CDYL2: variants seen among roughly 807,000 people sequenced by gnomAD.
CDYL2 encodes chromodomain Y-like protein 2.
Under a neutral mutation model 49.4 loss-of-function variants are expected in CDYL2, and 23 were observed. That is an observed-to-expected ratio of 0.47 (90% CI 0.34 to 0.66). The LOEUF (loss-of-function observed/expected upper bound fraction) is 0.66, where lower values mean the gene tolerates loss of function less well. CDYL2 is among the 30% of genes least tolerant of loss of function. CDYL2 has a pLI of 0.01. For synonymous variants in CDYL2, 360 were observed against 268.8 expected (o/e 1.34, Z -3.32); for missense variants, 678 against 656.4 (o/e 1.03, Z -0.36).
intron 3 of CDYL2, among the ~76,000 whole-genome samples, chr16:80,629,160 G>T (rs774291109): frequency 5.9e-5 from 9 of 152,164 alleles, no homozygotes; most frequent in Non-Finnish European, 1.2e-4. Flanking sequence ...GACACATTTG[G>T]TTGGGGAGGG....
intron 1 of CDYL2, among the ~76,000 whole-genome samples, chr16:80,698,262 T>A (rs1232185339): frequency 6.6e-6 from 1 of 152,122 alleles, no homozygotes; most frequent in African/African-American, 2.4e-5. Flanking sequence ...CAGGATTATG[T>A]CAAACTAAAA....
intron 1 of CDYL2, among the ~76,000 whole-genome samples, chr16:80,774,539 A>G (rs1033546663): frequency 6.6e-6 from 1 of 152,176 alleles, no homozygotes; most frequent in Admixed American, 6.5e-5. Context: ...CTGCTAAAAT[A>G]GATCTTTAAT....
chr16:80,792,040 A>G (rs562152987), intron 1 of CDYL2, among the ~76,000 whole-genome samples: 2 of 152,316 alleles, frequency 1.3e-5, no homozygotes, highest in Admixed American at 6.5e-5. Flanking sequence ...CACACATGGC[A>G]TCTGCGCAAA....
chr16:80,702,071 T>TTAA (rs370055186), intron 1 of CDYL2, among the ~76,000 whole-genome samples: 34 of 152,034 alleles, frequency 2.2e-4, no homozygotes, highest in African/African-American at 8.0e-4. Context: ...ATTGGGGCAA[T>TTAA]TATACAGGAA....
intron 1 of CDYL2, among the ~76,000 whole-genome samples, chr16:80,790,649 C>T (rs1907579145): frequency 6.6e-6 from 1 of 152,160 alleles, no homozygotes; most frequent in South Asian, 2.1e-4. Flanking sequence ...GTTACAGGTG[C>T]TTTGGATTCT....
At chr16:80,623,068 C>T (rs1357834416) in intron 3 of CDYL2, among the ~76,000 whole-genome samples, 1 of 152,206 alleles carries the variant, frequency 6.6e-6, no homozygotes, top group Non-Finnish European at 1.5e-5. Context: ...AAGCTTCCTG[C>T]GGAGATGGTA....
chr16:80,791,551 T>C (rs1447878878), intron 1 of CDYL2, among the ~76,000 whole-genome samples: 1 of 152,192 alleles, frequency 6.6e-6, no homozygotes, highest in African/African-American at 2.4e-5. Flanking sequence ...GGAAATCTCC[T>C]GATAAGCTGA....
intron 1 of CDYL2, among the ~76,000 whole-genome samples, chr16:80,717,133 G>A (rs879686307): frequency 6.7e-6 from 1 of 150,134 alleles, no homozygotes; most frequent in Non-Finnish European, 1.5e-5. Flanking sequence ...TGAATGGATG[G>A]GTGGACTGGA....
At chr16:80,720,221 AC>A (rs1455512494) in intron 1 of CDYL2, among the ~76,000 whole-genome samples, 1 of 151,708 alleles carries the variant, frequency 6.6e-6, no homozygotes, top group Non-Finnish European at 1.5e-5. Flanking sequence ...TCCCCTCATG[AC>A]TCCCCTCTCT....
At chr16:80,746,887 C>G (rs987459456) in intron 1 of CDYL2, among the ~76,000 whole-genome samples, 3 of 152,164 alleles carry the variant, frequency 2.0e-5, no homozygotes, top group African/African-American at 7.2e-5. Flanking sequence ...AGTCCAGATT[C>G]CCAGCTTCTC....
chr16:80,631,658 G>A (rs1024995107), intron 3 of CDYL2, among the ~76,000 whole-genome samples: 1 of 152,098 alleles, frequency 6.6e-6, no homozygotes, highest in African/African-American at 2.4e-5. Context: ...TATCTGATAA[G>A]GCCTTACTAT....
At position 80,600,253 on chromosome 16, in the gene CDYL2, T is replaced by C. The variant is rs546894370; in HGVS notation, c.*4135A>G. The C allele has an allele frequency of 2.0e-5, 3 of 149,356 alleles. No homozygotes were observed. Among genetic ancestry groups the C allele is most frequent in the South Asian group, 2.1e-4 (1 of 4,726 alleles). The allele number at this position is 149,356 out of a possible 1,614,324, so 9.3% of individuals were successfully genotyped here. A position where few individuals can be genotyped will look rare whatever the true frequency, so the allele number is the denominator to read the frequency against. On this transcript the variant is annotated 3_prime_UTR_variant, in exon 7 of 7. Transcript: ENST00000570137. ...AGAGCATTATATTCTAATGAAAAAATTGGCACCAAACCAGTATGCTATTTT... is the reference window on the plus strand; with the variant it reads ...AGAGCATTATATTCTAATGAAAAAACTGGCACCAAACCAGTATGCTATTTT...
At chr16:80,640,326 G>C (rs894625955) in intron 2 of CDYL2, among the ~76,000 whole-genome samples, 1 of 152,102 alleles carries the variant, frequency 6.6e-6, no homozygotes, top group Non-Finnish European at 1.5e-5. Context: ...GGCCCAGTCT[G>C]GGCCAGAAGG....
At chr16:80,783,097 A>G (rs536142097) in intron 1 of CDYL2, among the ~76,000 whole-genome samples, 3 of 152,276 alleles carry the variant, frequency 2.0e-5, no homozygotes, top group East Asian at 3.9e-4. Context: ...GTTAAAAGAG[A>G]GTGAAAAGAT....
At chr16:80,719,687 T>C (rs1904933621) in intron 1 of CDYL2, among the ~76,000 whole-genome samples, 1 of 152,198 alleles carries the variant, frequency 6.6e-6, no homozygotes. Context: ...TGAACCCCTA[T>C]GTCTTGTCCT....
chr16:80,776,991 G>GC (rs2142400949), intron 1 of CDYL2, among the ~76,000 whole-genome samples: 1 of 147,154 alleles, frequency 6.8e-6, no homozygotes, highest in Non-Finnish European at 1.5e-5. Flanking sequence ...CTAATTTTTT[G>GC]TTTTTTTTTT....
At chr16:80,649,513 A>C (rs1329437405) in intron 2 of CDYL2, among the ~76,000 whole-genome samples, 1 of 152,192 alleles carries the variant, frequency 6.6e-6, no homozygotes, top group Non-Finnish European at 1.5e-5. Flanking sequence ...CATGGATTTA[A>C]AGAATCAATA....
chr16:80,661,037 G>A (rs748522314), intron 2 of CDYL2, among the ~76,000 whole-genome samples: 22 of 152,160 alleles, frequency 1.4e-4, no homozygotes, highest in South Asian at 4.1e-4. Context: ...AGGACAGACC[G>A]TAGGGCACTT....
At chr16:80,665,020 A>G (rs1909201637) in intron 2 of CDYL2, among the ~76,000 whole-genome samples, 1 of 152,026 alleles carries the variant, frequency 6.6e-6, no homozygotes, top group Admixed American at 6.6e-5. Context: ...TACTCATCAT[A>G]CCCCCAGAAC....
Sources: allele counts gnomAD v4.1 joint callset (sites outside exome capture counted in the v4.1 genomes callset), GRCh38; gene constraint gnomAD v4.1.1; transcripts MANE v1.5; gene names NCBI Gene and HGNC (gene_info 2026-07-23, HGNC 2026-07-21).